The following MAP1LC3B2 variants were observed in gnomAD, a reference collection of about 807,000 sequenced individuals.
MAP1LC3B2 encodes microtubule-associated protein 1 light chain 3 beta 2.
For missense variants in MAP1LC3B2, 155 were observed against 154.6 expected, an observed-to-expected ratio of 1.00 and a Z score of -0.01; for synonymous variants, 62 against 57.8, an observed-to-expected ratio of 1.07 and a Z score of -0.33.
chr12:116,560,238 A>ATATGTATG (rs1566022614), intron 1 of MAP1LC3B2, among the ~76,000 whole-genome samples: 60 of 106,332 alleles, frequency 5.6e-4, no homozygotes, highest in African/African-American at 1.3e-3. Context: ...ATATATATAT[A>ATATGTATG]TATGTATGTA....
intron 1 of MAP1LC3B2, among the ~76,000 whole-genome samples, chr12:116,572,490 G>T (rs1182803228): frequency 6.6e-6 from 1 of 151,504 alleles, no homozygotes; most frequent in African/African-American, 2.4e-5. Flanking sequence ...TCAGCCTCCC[G>T]AGTAGCTGGG....
intron 1 of MAP1LC3B2, among the ~76,000 whole-genome samples, chr12:116,561,832 C>T (rs1245260208): frequency 6.6e-6 from 1 of 152,254 alleles, no homozygotes; most frequent in East Asian, 1.9e-4. Context: ...ACATGCAAAG[C>T]TGTTCTTGAA....
At position 116,571,371 on chromosome 12, in the gene MAP1LC3B2, C is replaced by G. The variant is rs559051285; in HGVS notation, c.-101-4471C>G. Among the ~76,000 whole-genome samples, 3 of 147,366 alleles carry G rather than the reference C, an allele frequency of 2.0e-5. No homozygotes were observed. The South Asian group carries it at 6.7e-4, about 33-fold the overall frequency. Reference sequence around the variant, plus strand: ...TGTTGTGCAAGAACCTTGGGGCAGTCTCAAAATGTGACCTAGGTCCACTGA... The same window carrying G: ...TGTTGTGCAAGAACCTTGGGGCAGTGTCAAAATGTGACCTAGGTCCACTGA... On this transcript the variant is annotated intron_variant, in intron 1 of 1. Transcript: ENST00000556529.
At chr12:116,569,934 G>A (rs1348882202) in intron 1 of MAP1LC3B2, among the ~76,000 whole-genome samples, 2 of 152,052 alleles carry the variant, frequency 1.3e-5, no homozygotes, top group African/African-American at 4.8e-5. Context: ...CGCACCTGTA[G>A]TCCCAGCTAC....
chr12:116,575,308 T>A (rs1164617103), intron 1 of MAP1LC3B2, among the ~76,000 whole-genome samples: 2 of 152,160 alleles, frequency 1.3e-5, no homozygotes, highest in Non-Finnish European at 2.9e-5. Context: ...AAGGAAACAT[T>A]TATATCAAAT....
At chr12:116,570,989 GAT>G (rs2136962842) in intron 1 of MAP1LC3B2, among the ~76,000 whole-genome samples, 1 of 152,300 alleles carries the variant, frequency 6.6e-6, no homozygotes, top group South Asian at 2.1e-4. Context: ...TGATAAAAAT[GAT>G]AGCATATTTA....
rs1339315296 is a variant in MAP1LC3B2 at position 116,575,933 on chromosome 12, T to A, written c.-10T>A. ...CGCGTCGTCGCCGCCGCGGCCCAGA[T>A]CCCCACACCATGCCGTCGGAGAAGA... is the stretch of plus-strand genomic sequence containing the variant. On this transcript the variant is annotated 5_prime_UTR_variant, in exon 2 of 2. Coordinates refer to ENST00000556529, the MANE Select transcript of MAP1LC3B2 (RefSeq NM_001085481.3). 17 of 1,613,966 alleles carry A rather than the reference T, an allele frequency of 1.1e-5. No homozygotes were observed. The highest frequency in any genetic ancestry group is 1.4e-5 in the Non-Finnish European group (17 of 1,179,972).
At chr12:116,566,469 T>C (rs902902399) in intron 1 of MAP1LC3B2, among the ~76,000 whole-genome samples, 1 of 152,052 alleles carries the variant, frequency 6.6e-6, no homozygotes, top group Non-Finnish European at 1.5e-5. Context: ...TAGAGGCTAA[T>C]CAGATATGTG....
At chr12:116,567,533 AG>A (rs2136961181) in intron 1 of MAP1LC3B2, among the ~76,000 whole-genome samples, 1 of 142,286 alleles carries the variant, frequency 7.0e-6, no homozygotes, top group East Asian at 2.1e-4. Flanking sequence ...GGATCACTTG[AG>A]GTCAGGAGTT....
At position 116,571,131 on chromosome 12, in the gene MAP1LC3B2, A is replaced by G. The variant is rs146435951; in HGVS notation, c.-101-4711A>G. Among the ~76,000 whole-genome samples, 878 of 152,322 alleles carry G rather than the reference A, an allele frequency of 5.8e-3. 8 individuals are homozygous for G. Among genetic ancestry groups the G allele is most frequent in the African/African-American group, 0.02 (823 of 41,566 alleles). On this transcript the variant is annotated intron_variant, in intron 1 of 1. Coordinates refer to ENST00000556529, the MANE Select transcript of MAP1LC3B2 (RefSeq NM_001085481.3). Reference sequence around the variant, plus strand: ...AGGGTCTGATTTTATCTAAGGACATATTTAAGACCATGTAGTCCAGCTTTT... The same window carrying G: ...AGGGTCTGATTTTATCTAAGGACATGTTTAAGACCATGTAGTCCAGCTTTT...
At chr12:116,572,136 A>G (rs1592868963) in intron 1 of MAP1LC3B2, among the ~76,000 whole-genome samples, 1 of 152,220 alleles carries the variant, frequency 6.6e-6, no homozygotes, top group East Asian at 1.9e-4. Context: ...AACCTTGATC[A>G]TAAAATGATC....
At chr12:116,567,448 C>CTTTT (rs35722581) in intron 1 of MAP1LC3B2, among the ~76,000 whole-genome samples, 2 of 127,858 alleles carry the variant, frequency 1.6e-5, no homozygotes, top group Non-Finnish European at 3.3e-5. Flanking sequence ...CTTTGCAAAT[C>CTTTT]TTTTTTTTTT....
intron 1 of MAP1LC3B2, among the ~76,000 whole-genome samples, chr12:116,567,753 T>C (rs1021613916): frequency 2.0e-5 from 3 of 150,426 alleles, no homozygotes; most frequent in Non-Finnish European, 4.4e-5. Flanking sequence ...GTCTAAAAAA[T>C]AAAAATAAAA....
In MAP1LC3B2 at chr12:116,561,522, C is replaced by T. The variant is rs1267278538; in HGVS notation, c.-102+2089C>T. On this transcript the variant is annotated intron_variant, in intron 1 of 1. Coordinates refer to ENST00000556529, the MANE Select transcript of MAP1LC3B2 (RefSeq NM_001085481.3). ...CTTGTTTGCGTGGACACCGAGTTTCCCTTTCCCCAGACTTCATAACGATCA... is the reference window on the plus strand; with the variant it reads ...CTTGTTTGCGTGGACACCGAGTTTCTCTTTCCCCAGACTTCATAACGATCA... Among the ~76,000 whole-genome samples, 3 of 152,192 alleles carry T rather than the reference C, an allele frequency of 2.0e-5. No individual in the cohort carries two copies. In the East Asian group the frequency reaches 5.8e-4, roughly 29 times the overall value.
chr12:116,564,343 C>G (rs1290111305), intron 1 of MAP1LC3B2, among the ~76,000 whole-genome samples: 1 of 151,408 alleles, frequency 6.6e-6, no homozygotes, highest in African/African-American at 2.4e-5. Flanking sequence ...TTGTTATTTT[C>G]CTTTGATGTT....
At chr12:116,568,149 A>G (rs1287668050) in intron 1 of MAP1LC3B2, among the ~76,000 whole-genome samples, 6 of 152,158 alleles carry the variant, frequency 3.9e-5, no homozygotes, top group Non-Finnish European at 8.8e-5. Flanking sequence ...CGTCCTGGCA[A>G]TTGTCTCTGA....
chr12:116,561,198 C>T (rs770337952), intron 1 of MAP1LC3B2, among the ~76,000 whole-genome samples: 76 of 151,896 alleles, frequency 5.0e-4, no homozygotes, highest in African/African-American at 1.6e-3. Flanking sequence ...TCTCTTGAGC[C>T]CAGAAGTTCG....
chr12:116,562,327 A>G (rs1869292920), intron 1 of MAP1LC3B2, among the ~76,000 whole-genome samples: 1 of 152,206 alleles, frequency 6.6e-6, no homozygotes, highest in Admixed American at 6.5e-5. Context: ...GAAACAATAA[A>G]TCTTTATGTT....
intron 1 of MAP1LC3B2, chr12:116,560,133 T>TGATCTCTCTCCA (rs369456251): frequency 1.4e-5 from 2 of 144,444 alleles, no homozygotes; most frequent in African/African-American, 5.1e-5. Context: ...GGCGCTCTCC[T>TGATCTCTCTCCA]GATCTCTCTC....
Sources: gnomAD v4.1 joint callset for allele counts (sites outside exome capture counted in the v4.1 genomes callset) on GRCh38, gnomAD v4.1.1 for gene constraint, MANE v1.5 for transcripts, NCBI Gene and HGNC (gene_info 2026-07-23, HGNC 2026-07-21) for gene names.